The following CDH4 variants were observed in gnomAD, a reference collection of about 807,000 sequenced individuals.
The protein encoded by CDH4 is cadherin 4.
CDH4 carries 33 observed loss-of-function variants against 86.0 expected under a neutral mutation model. The observed-to-expected ratio is 0.38, with a 90% CI of 0.29 to 0.51. The LOEUF (loss-of-function observed/expected upper bound fraction) is 0.51, where lower values mean the gene tolerates loss of function less well. CDH4 is among the 20% of genes least tolerant of loss of function. The pLI, the probability that CDH4 is intolerant of heterozygous loss-of-function variation, is 0.86. For synonymous variants in CDH4, 555 were observed against 549.4 expected, an observed-to-expected ratio of 1.01 and a Z score of -0.14; for missense variants, 1,114 against 1,307.4, an observed-to-expected ratio of 0.85 and a Z score of 2.28.
In CDH4 at chr20:61,929,633, G is replaced by A. The variant is rs200733156; in HGVS notation, c.2030G>A (p.Arg677His). 440 of 1,613,910 alleles carry A rather than the reference G, an allele frequency of 2.7e-4. 1 individual carries two copies. Among genetic ancestry groups the A allele is most frequent in the South Asian group, 1.2e-3 (106 of 91,084 alleles). The change falls in exon 13 of 16, where the codon CGC (arginine) becomes CAC (histidine). Residue 677 changes from arginine (R) to histidine (H), a missense_variant. By Grantham distance (29) the Arg-to-His change is conservative (BLOSUM62 0). Around this residue, in one of 3 missense-constraint regions of CDH4, gnomAD observed 705 missense variants for 914.1 expected, o/e 0.77. Coordinates refer to ENST00000614565, the MANE Select transcript of CDH4 (RefSeq NM_001794.5). ...LNGDYAQLSL[R>H]ILYLEAGMYD... ...GGTGACTATGCCCAACTCAGCTTGC[G>A]CATCCTGTACCTGGAGGCCGGGATG... is the stretch of plus-strand genomic sequence containing the variant.
chr20:61,764,659 G>A (rs1404981664), intron 3 of CDH4, among the ~76,000 whole-genome samples: 1 of 152,182 alleles, frequency 6.6e-6, no homozygotes, highest in Non-Finnish European at 1.5e-5. Context: ...GCTTTGTCGT[G>A]CATCCGCCCC....
Position 61,517,394 on chromosome 20 carries a change from C to T in CDH4, c.170-226169C>T, listed in dbSNP as rs1428786015. On this transcript the variant is annotated intron_variant, in intron 2 of 15. Coordinates refer to ENST00000614565, the MANE Select transcript of CDH4 (RefSeq NM_001794.5). This position sits in a 1 kb window ranked among gnomAD's most constrained non-coding sequence, Gnocchi z 6.6. Reference sequence around the variant, plus strand: ...ACTTTTTGTAGAGACAAGGTCTCGCCGTGTTTCCCAGGCTGGTCTCAAGTG... The same window carrying T: ...ACTTTTTGTAGAGACAAGGTCTCGCTGTGTTTCCCAGGCTGGTCTCAAGTG... 2.0e-5 allele frequency among the ~76,000 whole-genome samples: 3 copies of T among 152,134 alleles called. No individual in the cohort carries two copies. Among genetic ancestry groups the T allele is most frequent in the East Asian group, 1.9e-4 (1 of 5,188 alleles).
At chr20:61,824,564 G>A (rs796206647) in intron 4 of CDH4, among the ~76,000 whole-genome samples, 12 of 152,170 alleles carry the variant, frequency 7.9e-5, no homozygotes, top group East Asian at 3.9e-4. Flanking sequence ...TTCTGTGTAC[G>A]CATATGTTCA....
chr20:61,604,352 C>T (rs1041680535), intron 2 of CDH4, among the ~76,000 whole-genome samples: 2 of 152,146 alleles, frequency 1.3e-5, no homozygotes, highest in Admixed American at 6.5e-5. Context: ...TGGACAGTGA[C>T]GATGATCTCC....
At chr20:61,478,121 T>C (rs568685683) in intron 2 of CDH4, among the ~76,000 whole-genome samples, 19 of 152,096 alleles carry the variant, frequency 1.2e-4, no homozygotes, top group Non-Finnish European at 2.2e-4. Flanking sequence ...AATTGGGAAC[T>C]GTGAAAACGC....
At chr20:61,358,851 T>C (rs28391455) in intron 2 of CDH4, among the ~76,000 whole-genome samples, 33,735 of 152,090 alleles carry the variant, frequency 0.22, 4,238 homozygotes, top group South Asian at 0.34. Flanking sequence ...CCGTTCCCTC[T>C]ACAGGGAGCC....
intron 9 of CDH4, among the ~76,000 whole-genome samples, chr20:61,915,282 A>C (rs1457396635): frequency 6.6e-6 from 1 of 152,238 alleles, no homozygotes; most frequent in African/African-American, 2.4e-5. Flanking sequence ...ACAACGTTCC[A>C]CAGGTTTGAG....
At chr20:61,785,177 CCCCA>C (rs1978811160) in intron 4 of CDH4, among the ~76,000 whole-genome samples, 1 of 152,186 alleles carries the variant, frequency 6.6e-6, no homozygotes, top group African/African-American at 2.4e-5. Context: ...ACGATAGGAC[CCCCA>C]CCCTATTCAC....
intron 2 of CDH4, among the ~76,000 whole-genome samples, chr20:61,573,261 C>G (rs2086358059): frequency 6.6e-6 from 1 of 152,196 alleles, no homozygotes; most frequent in Non-Finnish European, 1.5e-5. Flanking sequence ...AAGGGAACAC[C>G]AGCCTCTTCA....
chr20:61,899,363 T>C (rs1196630006), intron 8 of CDH4, among the ~76,000 whole-genome samples: 1 of 152,116 alleles, frequency 6.6e-6, no homozygotes, highest in African/African-American at 2.4e-5. Flanking sequence ...ACATATTTTG[T>C]TTTTACTGTA....
intron 2 of CDH4, among the ~76,000 whole-genome samples, chr20:61,545,842 G>GGA (rs1209235937): frequency 2.0e-5 from 3 of 151,424 alleles, no homozygotes; most frequent in Non-Finnish European, 2.9e-5. Flanking sequence ...GTGTGTGTGT[G>GGA]GAGGGGTATG....
intron 2 of CDH4, among the ~76,000 whole-genome samples, chr20:61,552,881 G>A (rs901149249): frequency 6.6e-6 from 1 of 150,886 alleles, no homozygotes; most frequent in African/African-American, 2.4e-5. Flanking sequence ...AAAAAAACTT[G>A]TCACCTCCTC....
chr20:61,605,798 T>C (rs879766191), intron 2 of CDH4, among the ~76,000 whole-genome samples: 3 of 151,200 alleles, frequency 2.0e-5, no homozygotes, highest in Non-Finnish European at 2.9e-5. Flanking sequence ...GTTTTGCACA[T>C]GAGTGAAGGT....
At position 61,708,648 on chromosome 20, in the gene CDH4, T is replaced by C. The variant is rs546337908; in HGVS notation, c.170-34915T>C. 1.3e-5 allele frequency among the ~76,000 whole-genome samples: 2 copies of C among 152,240 alleles called. No individual in the cohort carries two copies. The highest frequency in any genetic ancestry group is 4.1e-4 in the South Asian group (2 of 4,820). ...GTGCCTGGAGCCCCTCCCAGACGTT[T>C]GCACCCCACCCCTTCCCATCCTTGG... On this transcript the variant is annotated intron_variant, in intron 2 of 15. Coordinates refer to ENST00000614565, the MANE Select transcript of CDH4 (RefSeq NM_001794.5). This position sits in a 1 kb window ranked among gnomAD's most constrained non-coding sequence, Gnocchi z 4.5.
chr20:61,423,080 T>G (rs1176014697), intron 2 of CDH4, among the ~76,000 whole-genome samples: 2 of 152,138 alleles, frequency 1.3e-5, no homozygotes, highest in Non-Finnish European at 1.5e-5. Flanking sequence ...GCCTGGATGC[T>G]GTGGCCCTGC....
intron 2 of CDH4, among the ~76,000 whole-genome samples, chr20:61,270,420 T>A (rs930942580): frequency 6.6e-6 from 1 of 152,204 alleles, no homozygotes; most frequent in African/African-American, 2.4e-5. Flanking sequence ...TATTTTAAGA[T>A]AAAAATGGAA....
chr20:61,860,730 C>T (rs1983285200), intron 6 of CDH4, among the ~76,000 whole-genome samples: 1 of 152,180 alleles, frequency 6.6e-6, no homozygotes, highest in African/African-American at 2.4e-5. Flanking sequence ...AGGTGGCATC[C>T]AGGCCCCTGC....
intron 2 of CDH4, among the ~76,000 whole-genome samples, chr20:61,713,795 AAGC>A (rs1341864768): frequency 6.6e-6 from 1 of 152,142 alleles, no homozygotes; most frequent in African/African-American, 2.4e-5. Context: ...GAAAGTTAGA[AAGC>A]AGCCCCTACG....
chr20:61,735,609 G>A (rs1478274738), intron 2 of CDH4, among the ~76,000 whole-genome samples: 1 of 152,208 alleles, frequency 6.6e-6, no homozygotes, highest in East Asian at 1.9e-4. Context: ...CGGGGCCACT[G>A]CGGGGACTGA....
Sources: allele counts gnomAD v4.1 joint callset (sites outside exome capture counted in the v4.1 genomes callset), GRCh38; gene constraint gnomAD v4.1.1; regional missense constraint gnomAD v4.1.1; non-coding constraint Gnocchi (gnomAD v3.1); transcripts MANE v1.5; gene names NCBI Gene and HGNC (gene_info 2026-07-23, HGNC 2026-07-21).